The following PPP1R12C variants were observed in gnomAD, a reference collection of about 807,000 sequenced individuals.
PPP1R12C encodes the protein protein phosphatase 1 regulatory subunit 12C, also known as leukocyte receptor cluster (LRC) encoded novel gene 3.
Under a neutral mutation model 95.6 loss-of-function variants are expected in PPP1R12C, and 48 were observed. The observed-to-expected ratio is 0.50, with a 90% confidence interval of 0.40 to 0.64. The LOEUF is 0.64. Ranked by LOEUF, PPP1R12C falls within the 30% of genes least tolerant of loss-of-function variation. The pLI is 0.00. For missense variants in PPP1R12C, 1,057 were observed against 1,083.3 expected, an observed-to-expected ratio of 0.98 and a Z score of 0.34; for synonymous variants, 480 against 460.8, an observed-to-expected ratio of 1.04 and a Z score of -0.53.
chr19:55,095,713 G>A, intron 9 of PPP1R12C, 110 bp from the exon 10 acceptor site: 2 of 1,510,742 alleles, frequency 1.3e-6, no homozygotes, highest in Non-Finnish European at 1.8e-6. Flanking sequence ...AGCCCCCGGG[G>A]CAGGCACAGC....
chr19:55,105,957 G>A (rs1218258450), intron 3 of PPP1R12C, among the ~76,000 whole-genome samples: 1 of 149,408 alleles, frequency 6.7e-6, no homozygotes, highest in Admixed American at 6.7e-5. Flanking sequence ...AAAAAAAAAA[G>A]TCACTTCTCA....
Position 55,100,635 on chromosome 19 carries a change from C to T in PPP1R12C, c.732-1540G>A, listed in dbSNP as rs548010756. Among the ~76,000 whole-genome samples, 19 of 152,344 alleles carry T rather than the reference C, an allele frequency of 1.2e-4. No individual in the cohort carries two copies. In the South Asian group the frequency reaches 2.5e-3, roughly 20 times the overall value. ...GTTTTGGTTTGGTTTTGTTTTGAGACGGAGTCTCACACTGTCACCCAGGCT... is the reference window on the plus strand; with the variant it reads ...GTTTTGGTTTGGTTTTGTTTTGAGATGGAGTCTCACACTGTCACCCAGGCT... On this transcript the variant is annotated intron_variant, in intron 4 of 21. Coordinates refer to ENST00000263433, the MANE Select transcript of PPP1R12C (RefSeq NM_017607.4).
chr19:55,113,667 A>C, intron 1 of PPP1R12C: 1 of 1,161,988 alleles, frequency 8.6e-7, no homozygotes, highest in Non-Finnish European at 1.1e-6. Flanking sequence ...CAAGTCCCTC[A>C]CCTCTCCAAA....
chr19:55,115,458 G>A (rs667451), intron 1 of PPP1R12C: 135,389 of 152,216 alleles, frequency 0.89, 60,352 homozygotes, highest in East Asian at 1. Context: ...CGCACCAGAC[G>A]GCCGCGTCAG....
chr19:55,098,677 G>A, intron 6 of PPP1R12C, 107 bp downstream of exon 6: 1 of 1,363,924 alleles, frequency 7.3e-7, no homozygotes, highest in East Asian at 2.3e-5. Context: ...GCAGGTCGCT[G>A]GGGTGGTGGG....
intron 6 of PPP1R12C, 142 bp downstream of exon 6, chr19:55,098,642 G>C (rs930447327): frequency 2.9e-6 from 3 of 1,021,444 alleles, no homozygotes; most frequent in African/African-American, 3.2e-5. Flanking sequence ...GCTGGGGCTG[G>C]GGCTGGGTCA....
chr19:55,116,752 T>C (rs1249738920), intron 1 of PPP1R12C, among the ~76,000 whole-genome samples: 2 of 151,118 alleles, frequency 1.3e-5, no homozygotes, highest in Admixed American at 1.3e-4. Flanking sequence ...GCCAGGCAGA[T>C]AGACCAGACT....
chr19:55,095,789 C>T (rs1450815655), intron 9 of PPP1R12C, 78 bp downstream of exon 9: 1 of 1,559,548 alleles, frequency 6.4e-7, no homozygotes, highest in Non-Finnish European at 8.8e-7. Context: ...TCTGCCCCTG[C>T]CAGAGGTTCA....
intron 3 of PPP1R12C, among the ~76,000 whole-genome samples, chr19:55,107,933 A>ATTTTT (rs1393647794): frequency 7.2e-6 from 1 of 139,506 alleles, no homozygotes; most frequent in African/African-American, 3.0e-5. Context: ...AAAATTTACC[A>ATTTTT]TCTTTTTTTT....
Position 55,112,557 on chromosome 19 carries a change from C to T in PPP1R12C, c.481G>A (p.Ala161Thr), listed in dbSNP as rs139818172. The change falls in exon 3 of 22, where the codon GCC becomes ACC. Residue 161 changes from alanine to threonine, a missense_variant. Ala to Thr is a moderately conservative substitution (Grantham distance 58). Around this residue, in one of 5 missense-constraint regions of PPP1R12C, gnomAD observed 282 missense variants for 380.4 expected, o/e 0.74. Coordinates refer to ENST00000263433, the MANE Select transcript of PPP1R12C (RefSeq NM_017607.4). ...RYLLSHGANI[A>T]AVNSDGDLPL... ...AGGTCCCCGTCACTGTTGACGGCGG[C>T]GATGTTGGCCCCGTGGCTCAGGAGG... 106 of 1,613,000 alleles carry T rather than the reference C, an allele frequency of 6.6e-5. No individual in the cohort carries two copies. Among genetic ancestry groups the T allele is most frequent in the Non-Finnish European group, 8.2e-5 (97 of 1,179,724 alleles).
chr19:55,092,521 G>T lies in PPP1R12C; in HGVS notation c.1976C>A (p.Ala659Asp). Residue 659 changes from alanine (A) to aspartate (D), a missense_variant, in exon 18 of 22, where the codon GCC (alanine) becomes GAC (aspartate). Transcript: ENST00000263433. ...ESSTLEGGPSARRQRWQRDLN... is the reference protein window; with the variant it reads ...ESSTLEGGPSDRRQRWQRDLN... ...GTCCCGCTGCCACCGCTGCCTGCGG[G>T]CCGAGGGGCCGCCCTCCAGGGTGCT... 1.2e-6 allele frequency: 2 copies of T among 1,606,950 alleles called. No individual in the cohort carries two copies. Among genetic ancestry groups the T allele is most frequent in the Non-Finnish European group, 1.7e-6 (2 of 1,177,300 alleles).
In PPP1R12C at chr19:55,091,457, GA is replaced by G; in HGVS notation, c.*14del. ...AGCAGCTGTATAAATACGGGTGCGGGAAAGTCCCTCCGGGTCACTTGGAGAG... is the reference window on the plus strand; with the variant it reads ...AGCAGCTGTATAAATACGGGTGCGGGAAGTCCCTCCGGGTCACTTGGAGAG... On this transcript the variant is annotated 3_prime_UTR_variant, in exon 22 of 22. Coordinates refer to ENST00000263433, the MANE Select transcript of PPP1R12C (RefSeq NM_017607.4). 1 of 1,610,608 alleles carries G rather than the reference GA, an allele frequency of 6.2e-7. No individual in the cohort carries two copies. Among genetic ancestry groups the G allele is most frequent in the Non-Finnish European group, 8.5e-7 (1 of 1,177,024 alleles).
In PPP1R12C at chr19:55,098,937, G is replaced by T; in HGVS notation, c.876+14C>A. On this transcript the variant is annotated intron_variant, in intron 5 of 21. Coordinates refer to ENST00000263433, the MANE Select transcript of PPP1R12C (RefSeq NM_017607.4). ...CACGCCCTGCCCCTCACCAGCCTGGGCACTGGCCCTCACCGCATGGGTCAG... is the reference window on the plus strand; with the variant it reads ...CACGCCCTGCCCCTCACCAGCCTGGTCACTGGCCCTCACCGCATGGGTCAG... The T allele has an allele frequency of 6.3e-7, 1 of 1,593,458 alleles. No individual in the cohort carries two copies. The highest frequency in any genetic ancestry group is 8.5e-7 in the Non-Finnish European group (1 of 1,169,878).
At position 55,092,827 on chromosome 19, in the gene PPP1R12C, T is replaced by G. The variant is rs1388435211; in HGVS notation, c.1867A>C (p.Arg623=). The change falls in exon 16 of 22, where the codon AGG becomes CGG. Residue 623 remains arginine, a synonymous_variant. Coordinates refer to ENST00000263433, the MANE Select transcript of PPP1R12C (RefSeq NM_017607.4). ...TCCTTTCCGACCTTGCGGTGCTCCCTGGCCGCCTGCGGTCCCGGACCCTGC... is the reference window on the plus strand; with the variant it reads ...TCCTTTCCGACCTTGCGGTGCTCCCGGGCCGCCTGCGGTCCCGGACCCTGC... ...DGQGPGPQAA[R]EHRKVGKEWR... is the part of the protein sequence containing the mutation. The G allele has an allele frequency of 6.4e-7, 1 of 1,565,344 alleles. No homozygotes were observed. The highest frequency in any genetic ancestry group is 8.7e-7 in the Non-Finnish European group (1 of 1,155,516).
intron 7 of PPP1R12C, 30 bp from the exon 8 acceptor site, chr19:55,096,208 C>T: frequency 6.2e-7 from 1 of 1,612,576 alleles, no homozygotes; most frequent in South Asian, 1.1e-5. Context: ...TGCTGGGGTA[C>T]AAGCCCGGGG....
Position 55,092,459 on chromosome 19 carries a change from C to T in PPP1R12C, c.2038G>A (p.Asp680Asn). The T allele has an allele frequency of 3.7e-6, 6 of 1,609,384 alleles. No homozygotes were observed. Among genetic ancestry groups the T allele is most frequent in the Non-Finnish European group, 5.1e-6 (6 of 1,178,278 alleles). The change falls in exon 18 of 22, where the codon GAC (aspartate) becomes AAC (asparagine). Residue 680 changes from aspartate to asparagine, a missense_variant. Around this residue, in one of 5 missense-constraint regions of PPP1R12C, gnomAD observed 347 missense variants for 307.9 expected, o/e 1.13. Coordinates refer to ENST00000263433, the MANE Select transcript of PPP1R12C (RefSeq NM_017607.4). ...PEPEPESEEP[D>N]GGFRTLYAEL... ...GATCGCACCGTCCTAAAGCCTCCGT[C>T]TGGCTCTTCCGATTCTGGCTCAGGT...
At position 55,112,466 on chromosome 19, in the gene PPP1R12C, C is replaced by A. The variant is rs1441714838; in HGVS notation, c.571+1G>T. On this transcript the variant is annotated splice_donor_variant, in intron 3 of 21. Coordinates refer to ENST00000263433, the MANE Select transcript of PPP1R12C (RefSeq NM_017607.4). LOFTEE classifies it high-confidence loss of function. ...CCCACACACAGCACACCAGAGCCCACCTCGGCGGGCGATCTCCGCCTTCAG... is the reference window on the plus strand; with the variant it reads ...CCCACACACAGCACACCAGAGCCCAACTCGGCGGGCGATCTCCGCCTTCAG... 1 of 1,609,978 alleles carries A rather than the reference C, an allele frequency of 6.2e-7. No individual in the cohort carries two copies. Among genetic ancestry groups the A allele is most frequent in the Non-Finnish European group, 8.5e-7 (1 of 1,179,344 alleles).
At chr19:55,116,463 G>A (rs2085154964) in intron 1 of PPP1R12C, among the ~76,000 whole-genome samples, 1 of 152,098 alleles carries the variant, frequency 6.6e-6, no homozygotes, top group African/African-American at 2.4e-5. Flanking sequence ...GGAACCTGAA[G>A]GAGGCGGCAG....
chr19:55,102,588 C>T (rs1400419404), intron 4 of PPP1R12C, among the ~76,000 whole-genome samples: 2 of 152,142 alleles, frequency 1.3e-5, no homozygotes, highest in Non-Finnish European at 2.9e-5. Context: ...ACTGACAGAA[C>T]TATAAGAAGA....
Sources: allele counts gnomAD v4.1 joint callset (sites outside exome capture counted in the v4.1 genomes callset), GRCh38; gene constraint gnomAD v4.1.1; regional missense constraint gnomAD v4.1.1; transcripts MANE v1.5; gene names NCBI Gene and HGNC (gene_info 2026-07-23, HGNC 2026-07-21).